The following SCARA5 variants were observed in gnomAD, a reference collection of about 807,000 sequenced individuals.
The protein encoded by SCARA5 is scavenger receptor class A, member 5 (putative).
Under a neutral mutation model 46.3 loss-of-function variants are expected in SCARA5, and 45 were observed. That is an observed-to-expected ratio of 0.97 (90% confidence interval 0.76 to 1.24). SCARA5 has a LOEUF of 1.24. Ranked by LOEUF, SCARA5 falls within the 50% of genes most tolerant of loss-of-function variation. The probability of loss-of-function intolerance (pLI) is 0.00; values close to 1 mark genes in which losing one functional copy is unlikely to be tolerated. For missense variants in SCARA5, 680 were observed against 689.0 expected, an observed-to-expected ratio of 0.99 and a Z score of 0.15; for synonymous variants, 333 against 306.5, an observed-to-expected ratio of 1.09 and a Z score of -0.90.
chr8:27,937,092 G>A lies in SCARA5; in HGVS notation c.242-14847C>T, dbSNP rs145595870. ...CTTTGCAAATTTATAAGTAGCATTC[G>A]AGACTTGCTCTTTTGAGTAACATAG... On this transcript the variant is annotated intron_variant, in intron 3 of 8. Transcript: ENST00000354914. 4.1e-4 allele frequency among the ~76,000 whole-genome samples: 62 copies of A among 152,302 alleles called. No individual in the cohort carries two copies. In the East Asian group the frequency reaches 0.01, roughly 25 times the overall value.
chr8:27,930,079 G>T (rs1287994666), intron 3 of SCARA5, among the ~76,000 whole-genome samples: 2 of 152,148 alleles, frequency 1.3e-5, no homozygotes, highest in African/African-American at 4.8e-5. Context: ...CCGCTTCACA[G>T]GTGAAATAAC....
rs570982618 is a variant in SCARA5 at position 27,942,816 on chromosome 8, C to A, written c.242-20571G>T. 1.4e-4 allele frequency among the ~76,000 whole-genome samples: 22 copies of A among 152,294 alleles called. No individual in the cohort carries two copies. The East Asian group carries it at 4.2e-3, about 29-fold the overall frequency. On this transcript the variant is annotated intron_variant, in intron 3 of 8. Coordinates refer to ENST00000354914, the MANE Select transcript of SCARA5 (RefSeq NM_173833.6). Reference sequence around the variant, plus strand: ...ATCTTCATGCTTCTTAATGCTGAAGCCTGCTTTGCCTCTCTCATTCTTGGA... The same window carrying A: ...ATCTTCATGCTTCTTAATGCTGAAGACTGCTTTGCCTCTCTCATTCTTGGA...
chr8:27,876,282 G>A (rs572348583), intron 8 of SCARA5, among the ~76,000 whole-genome samples: 5 of 152,318 alleles, frequency 3.3e-5, no homozygotes, highest in Non-Finnish European at 7.4e-5. Flanking sequence ...GCTGCAAGTG[G>A]CAGATCCGGG....
At chr8:27,957,268 T>G (rs1195476434) in intron 3 of SCARA5, among the ~76,000 whole-genome samples, 1 of 152,220 alleles carries the variant, frequency 6.6e-6, no homozygotes, top group African/African-American at 2.4e-5. Flanking sequence ...GCACTTGACA[T>G]GTTTCTCTTG....
chr8:27,921,923 C>T lies in SCARA5; in HGVS notation c.564G>A (p.Leu188=). 1 of 1,532,280 alleles carries T rather than the reference C, an allele frequency of 6.5e-7. No individual in the cohort carries two copies. The highest frequency in any genetic ancestry group is 8.7e-7 in the Non-Finnish European group (1 of 1,147,968). 94.9% of individuals were successfully genotyped at this position (1,532,280 alleles called of 1,614,324 possible). The change falls in exon 4 of 9, where the codon CTG becomes CTA. Residue 188 remains leucine, a synonymous_variant. Coordinates refer to ENST00000354914, the MANE Select transcript of SCARA5 (RefSeq NM_173833.6). The part of the protein sequence containing the change: ...SDTAQLELYQ[L]QVESNSSQLL... ...GCTGGCTACTGTTGCTCTCCACCTG[C>T]AGCTGGTAGAGCTCCAGCTGCGCCG...
intron 1 of SCARA5, among the ~76,000 whole-genome samples, chr8:27,989,320 G>T (rs1808753485): frequency 6.6e-6 from 1 of 151,698 alleles, no homozygotes; most frequent in South Asian, 2.1e-4. Flanking sequence ...CAGAGATGGG[G>T]TTTCACCATG....
At chr8:27,879,854 G>T in intron 7 of SCARA5, 88 bp from the exon 8 acceptor site, 1 of 1,309,756 alleles carries the variant, frequency 7.6e-7, no homozygotes, top group Non-Finnish European at 1.1e-6. Context: ...CTACCCCTGG[G>T]TAGGAGGAAG....
intron 3 of SCARA5, among the ~76,000 whole-genome samples, chr8:27,922,833 C>T (rs191915983): frequency 2.6e-4 from 39 of 152,278 alleles, no homozygotes; most frequent in Admixed American, 2.0e-3. Flanking sequence ...GCAGAGCCCT[C>T]GCGTATTAGA....
chr8:27,989,999 C>A (rs1373171983), intron 1 of SCARA5, among the ~76,000 whole-genome samples: 1 of 152,258 alleles, frequency 6.6e-6, no homozygotes, highest in South Asian at 2.1e-4. Flanking sequence ...GCCTCTGCTT[C>A]CCAGAGGCCA....
rs777975857 is a variant in SCARA5, at chr8:27,921,855, C to A, written c.632G>T (p.Arg211Leu). The A allele has an allele frequency of 5.9e-6, 9 of 1,519,312 alleles. No homozygotes were observed. The highest frequency in any genetic ancestry group is 1.4e-5 in the African/African-American group (1 of 71,362). 94.1% of individuals were successfully genotyped at this position (1,519,312 alleles called of 1,614,324 possible). Residue 211 changes from arginine (R) to leucine (L), a missense_variant, in exon 4 of 9, where the codon CGC becomes CTC. By Grantham distance (102) the Arg-to-Leu change is moderately radical. Around this residue, in one of 3 missense-constraint regions of SCARA5, gnomAD observed 438 missense variants for 384.5 expected, o/e 1.14. Transcript: ENST00000354914. ...CTCCTCGCCCAGGATGCCCACCCTG[C>A]GCGCCAGCCCGTCCAGCAGGCCCGC... ...RHAGLLDGLA[R>L]RVGILGEELA...
At chr8:27,934,138 G>A (rs1240035578) in intron 3 of SCARA5, among the ~76,000 whole-genome samples, 1 of 152,190 alleles carries the variant, frequency 6.6e-6, no homozygotes, top group African/African-American at 2.4e-5. Context: ...CCAGTTTCCT[G>A]CACAGGAAGC....
chr8:27,904,783 T>C lies in SCARA5; in HGVS notation c.1148A>G (p.Asp383Gly). The C allele has an allele frequency of 6.2e-7, 1 of 1,613,938 alleles. No individual in the cohort carries two copies. Among genetic ancestry groups the C allele is most frequent in the South Asian group, 1.1e-5 (1 of 91,064 alleles). The change falls in exon 7 of 9, where the codon GAT (aspartate) becomes GGT (glycine). Residue 383 changes from aspartate (D) to glycine (G), a missense_variant. By Grantham distance (94) the Asp-to-Gly change is moderately conservative (BLOSUM62 -1). Around this residue, in one of 3 missense-constraint regions of SCARA5, gnomAD observed 219 missense variants for 269.5 expected, o/e 0.81. Coordinates refer to ENST00000354914, the MANE Select transcript of SCARA5 (RefSeq NM_173833.6). ...CCCCAGCAGAATGTCCTTACTGGCATCCCCAGCTCTGTCTCCTTTCTCTCC... is the reference window on the plus strand; with the variant it reads ...CCCCAGCAGAATGTCCTTACTGGCACCCCCAGCTCTGTCTCCTTTCTCTCC... ...EKGEKGDRAG[D>G]ASGVEAPMMI... is the part of the protein sequence containing the mutation.
chr8:27,952,012 T>C (rs762367993), intron 3 of SCARA5, among the ~76,000 whole-genome samples: 2 of 148,922 alleles, frequency 1.3e-5, no homozygotes, highest in Non-Finnish European at 3.0e-5. Flanking sequence ...AATAAACTCT[T>C]GGTAGGTGTA....
intron 3 of SCARA5, among the ~76,000 whole-genome samples, chr8:27,947,705 T>TA (rs1808060085): frequency 7.9e-6 from 1 of 126,218 alleles, no homozygotes; most frequent in Admixed American, 8.5e-5. Context: ...ACCGTGTCTC[T>TA]ACTAAAAAAA....
chr8:27,988,521 T>A (rs945045266), intron 1 of SCARA5, among the ~76,000 whole-genome samples: 4 of 152,176 alleles, frequency 2.6e-5, no homozygotes, highest in Admixed American at 1.3e-4. Flanking sequence ...TGGCTCCGGG[T>A]GAGAAATGTA....
chr8:27,913,723 G>C (rs1807415721), intron 4 of SCARA5, among the ~76,000 whole-genome samples: 1 of 152,116 alleles, frequency 6.6e-6, no homozygotes, highest in African/African-American at 2.4e-5. Context: ...AAACAACAAA[G>C]CAACCAAAGG....
intron 6 of SCARA5, 83 bp downstream of exon 6, chr8:27,907,065 A>AAG: frequency 1.1e-6 from 1 of 921,520 alleles, no homozygotes. Flanking sequence ...CAGTGAAGAT[A>AAG]AGAGTCCTGG....
chr8:27,908,315 A>G (rs1283367796), intron 5 of SCARA5, among the ~76,000 whole-genome samples: 1 of 152,074 alleles, frequency 6.6e-6, no homozygotes, highest in Admixed American at 6.5e-5. Context: ...GCTCTTGGCC[A>G]TGAGGCCCCT....
At chr8:27,946,531 C>A (rs1368425241) in intron 3 of SCARA5, among the ~76,000 whole-genome samples, 1 of 152,222 alleles carries the variant, frequency 6.6e-6, no homozygotes, top group Non-Finnish European at 1.5e-5. Context: ...GGACTTGCAG[C>A]CTTCCTGAGA....
Sources: gnomAD v4.1 joint callset for allele counts (sites outside exome capture counted in the v4.1 genomes callset) on GRCh38, gnomAD v4.1.1 for gene constraint, gnomAD v4.1.1 regional missense constraint, MANE v1.5 for transcripts, NCBI Gene and HGNC (gene_info 2026-07-23, HGNC 2026-07-21) for gene names.